DHRSX: variants seen among roughly 807,000 people sequenced by gnomAD.
DHRSX encodes dehydrogenase/reductase X-linked.
DHRSX carries 31 observed loss-of-function variants against 34.0 expected under a neutral mutation model. That is an observed-to-expected ratio of 0.91 (90% CI 0.69 to 1.23). The LOEUF (loss-of-function observed/expected upper bound fraction) is 1.23. DHRSX is among the 50% of genes most tolerant of loss of function. DHRSX has a pLI of 0.00. For missense variants in DHRSX, 414 were observed against 428.1 expected (o/e 0.97, Z 0.29); for synonymous variants, 201 against 183.8 (o/e 1.09, Z -0.76).
intron 3 of DHRSX, among the ~76,000 whole-genome samples, chrX:2,355,332 T>C (rs115947886): frequency 0.079 from 12,052 of 151,996 alleles, 581 homozygotes; most frequent in East Asian, 0.22. Context: ...AGCAACATAG[T>C]GAGAGCCTGT....
chrX:2,422,474 G>A (rs2043793431), intron 2 of DHRSX, among the ~76,000 whole-genome samples: 1 of 151,980 alleles, frequency 6.6e-6, no homozygotes, highest in African/African-American at 2.4e-5. Flanking sequence ...TGTTAGCCAG[G>A]ATGGTCTCGA....
At chrX:2,247,569 G>A (rs1333210965) in intron 5 of DHRSX, among the ~76,000 whole-genome samples, 5 of 150,532 alleles carry the variant, frequency 3.3e-5, no homozygotes, top group African/African-American at 7.3e-5. Context: ...CAGGAGAATG[G>A]CGTGAACCCG....
chrX:2,291,426 TCTC>T, intron 4 of DHRSX, 73 bp downstream of exon 4: 2 of 1,147,536 alleles, frequency 1.7e-6, no homozygotes, highest in South Asian at 2.5e-5. Context: ...CTGAGACACT[TCTC>T]CCGCATGAAA....
At chrX:2,463,314 T>A (rs1387235913) in intron 1 of DHRSX, among the ~76,000 whole-genome samples, 4 of 152,026 alleles carry the variant, frequency 2.6e-5, no homozygotes, top group Non-Finnish European at 5.9e-5. Context: ...AGACTCCGTC[T>A]CAAAACAACA....
intron 3 of DHRSX, among the ~76,000 whole-genome samples, chrX:2,332,537 A>G (rs1299258403): frequency 2.6e-5 from 4 of 152,198 alleles, no homozygotes; most frequent in African/African-American, 9.6e-5. Flanking sequence ...AGGAGGCACA[A>G]CAACTGTGCA....
intron 1 of DHRSX, among the ~76,000 whole-genome samples, chrX:2,462,812 A>G (rs2124687004): frequency 6.6e-6 from 1 of 152,254 alleles, no homozygotes; most frequent in Admixed American, 6.5e-5. Flanking sequence ...CAAATTAAAA[A>G]AAAAAAGCTT....
intron 1 of DHRSX, among the ~76,000 whole-genome samples, chrX:2,454,298 G>A (rs1358017926): frequency 3.3e-5 from 5 of 152,168 alleles, no homozygotes; most frequent in East Asian, 3.9e-4. Flanking sequence ...AGGCTGAGGC[G>A]GGTGGATCAC....
At chrX:2,496,318 C>A (rs2045284534) in intron 1 of DHRSX, among the ~76,000 whole-genome samples, 2 of 152,258 alleles carry the variant, frequency 1.3e-5, no homozygotes, top group East Asian at 3.9e-4. Context: ...CCTGCCTCAG[C>A]CTCCCAAGTA....
intron 1 of DHRSX, among the ~76,000 whole-genome samples, chrX:2,431,395 T>C (rs2043921138): frequency 6.6e-6 from 1 of 152,008 alleles, no homozygotes. Context: ...ACACCTAAGT[T>C]TGATTCCATG....
At chrX:2,270,379 TTAA>T (rs1171503998) in intron 4 of DHRSX, among the ~76,000 whole-genome samples, 5 of 152,124 alleles carry the variant, frequency 3.3e-5, no homozygotes, top group Non-Finnish European at 5.9e-5. Context: ...TACGAGACAG[TTAA>T]TGAGGACAGC....
intron 1 of DHRSX, among the ~76,000 whole-genome samples, chrX:2,499,046 C>A (rs1006280686): frequency 6.6e-6 from 1 of 152,150 alleles, no homozygotes; most frequent in Non-Finnish European, 1.5e-5. Context: ...TTTTCTCTGG[C>A]TAGAGGCGGG....
chrX:2,229,116 T>C (rs1015207610), intron 6 of DHRSX, among the ~76,000 whole-genome samples: 1 of 152,158 alleles, frequency 6.6e-6, no homozygotes, highest in African/African-American at 2.4e-5. Context: ...TAGTAGATCC[T>C]TGAGTTGTGC....
intron 3 of DHRSX, among the ~76,000 whole-genome samples, chrX:2,330,722 GGAA>G (rs944599356): frequency 2.0e-5 from 3 of 149,932 alleles, no homozygotes; most frequent in African/African-American, 4.9e-5. Context: ...AGGAGGGGAA[GGAA>G]GAAGTAGGAG....
Position 2,441,023 on chromosome X carries a change from C to T in DHRSX, c.110-15719G>A, listed in dbSNP as rs761110330. ...CGACGCAGACGGCACCAGTAGCTACCGCCCAGGATGCATGGACACTCTAGT... is the reference window on the plus strand; with the variant it reads ...CGACGCAGACGGCACCAGTAGCTACTGCCCAGGATGCATGGACACTCTAGT... On this transcript the variant is annotated intron_variant, in intron 1 of 6. Coordinates refer to ENST00000334651, the MANE Select transcript of DHRSX (RefSeq NM_145177.3). Among the ~76,000 whole-genome samples the T allele has an allele frequency of 2.6e-5, 4 of 152,232 alleles. No homozygotes were observed. In the South Asian group the frequency reaches 6.2e-4, roughly 24 times the overall value.
chrX:2,482,103 C>A (rs968065139), intron 1 of DHRSX, among the ~76,000 whole-genome samples: 6 of 149,058 alleles, frequency 4.0e-5, no homozygotes, highest in Admixed American at 1.3e-4. Flanking sequence ...GTAGCTGTGA[C>A]CACACACGTG....
At chrX:2,470,815 T>G (rs1476067548) in intron 1 of DHRSX, among the ~76,000 whole-genome samples, 1 of 152,206 alleles carries the variant, frequency 6.6e-6, no homozygotes, top group Non-Finnish European at 1.5e-5. Context: ...ATCACGTCTT[T>G]CAAAATGACT....
At chrX:2,355,511 TAA>T (rs767512287) in intron 3 of DHRSX, among the ~76,000 whole-genome samples, 98 of 75,224 alleles carry the variant, frequency 1.3e-3, no homozygotes, top group East Asian at 4.6e-3. Context: ...AGACCCCATC[TAA>T]AAAAAAAAAA....
chrX:2,462,645 C>A (rs1243197134), intron 1 of DHRSX, among the ~76,000 whole-genome samples: 1 of 152,016 alleles, frequency 6.6e-6, no homozygotes, highest in African/African-American at 2.4e-5. Context: ...ATGTCAGAAA[C>A]AGGAAAGGTG....
At chrX:2,308,100 GTGTT>G (rs2042121848) in intron 3 of DHRSX, among the ~76,000 whole-genome samples, 1 of 152,144 alleles carries the variant, frequency 6.6e-6, no homozygotes, top group South Asian at 2.1e-4. Flanking sequence ...GAAAGTTAGA[GTGTT>G]TGGGAGTATT....
Sources: allele counts gnomAD v4.1 joint callset (sites outside exome capture counted in the v4.1 genomes callset), GRCh38; gene constraint gnomAD v4.1.1; transcripts MANE v1.5; gene names NCBI Gene and HGNC (gene_info 2026-07-23, HGNC 2026-07-21).